The following GPHN variants were observed in gnomAD, a reference collection of about 807,000 sequenced individuals.
GPHN encodes gephyrin.
Under a neutral mutation model 95.5 loss-of-function variants are expected in GPHN, and 17 were observed. The ratio of observed to expected loss-of-function variants is 0.18; its 90% confidence interval spans 0.12 to 0.27. GPHN has a LOEUF of 0.27. GPHN is among the 10% of genes least tolerant of loss of function. GPHN has a pLI of 1.00. For missense variants in GPHN, 660 were observed against 978.1 expected (o/e 0.67, Z 4.34); for synonymous variants, 320 against 322.5 (o/e 0.99, Z 0.08).
intron 10 of GPHN, among the ~76,000 whole-genome samples, chr14:67,053,527 G>A (rs1396684788): frequency 2.0e-5 from 3 of 152,194 alleles, no homozygotes; most frequent in Admixed American, 6.5e-5. Flanking sequence ...CGAATTCTAC[G>A]AGAGGTACAA....
intron 5 of GPHN, among the ~76,000 whole-genome samples, chr14:66,891,142 T>C (rs1248988219): frequency 1.3e-5 from 2 of 151,024 alleles, no homozygotes; most frequent in African/African-American, 2.4e-5. Context: ...AGTAAACCTA[T>C]CTTTTTTTTT....
chr14:66,636,352 A>G (rs1001007990), intron 1 of GPHN, among the ~76,000 whole-genome samples: 1 of 152,098 alleles, frequency 6.6e-6, no homozygotes, highest in Admixed American at 6.5e-5. Context: ...AATACTGACA[A>G]TATAGACCAG....
chr14:67,069,476 G>T (rs530586252), intron 11 of GPHN, among the ~76,000 whole-genome samples: 1 of 152,316 alleles, frequency 6.6e-6, no homozygotes, highest in African/African-American at 2.4e-5. Context: ...GTCAGAGACG[G>T]GAACATGTGC....
the GPHN span, chr14:67,569,996 A>C: frequency 6.2e-7 from 1 of 1,600,652 alleles, no homozygotes; most frequent in East Asian, 2.2e-5. Context: ...GTGCCTGTCT[A>C]CACAGCACTG....
chr14:66,576,133 G>A (rs2060890337), intron 1 of GPHN, among the ~76,000 whole-genome samples: 1 of 152,088 alleles, frequency 6.6e-6, no homozygotes, highest in Non-Finnish European at 1.5e-5. Flanking sequence ...TTTGGAGCCT[G>A]CAGCTGTGGA....
chr14:67,207,370 T>C, the GPHN span, among the ~76,000 whole-genome samples: 1 of 151,760 alleles, frequency 6.6e-6, no homozygotes, highest in Non-Finnish European at 1.5e-5. Flanking sequence ...CCAGGCTCTT[T>C]TAAACAACCA....
chr14:67,089,482 A>G (rs1049105830), intron 12 of GPHN, among the ~76,000 whole-genome samples: 6 of 152,120 alleles, frequency 3.9e-5, no homozygotes, highest in African/African-American at 1.4e-4. Flanking sequence ...TGTGTTACTG[A>G]AATTCTTGGC....
chr14:66,730,126 A>G (rs1348642099), intron 2 of GPHN, among the ~76,000 whole-genome samples: 2 of 152,226 alleles, frequency 1.3e-5, no homozygotes, highest in Admixed American at 6.5e-5. Flanking sequence ...GCTTGCTGCA[A>G]TGCATAGGGA....
chr14:66,997,311 G>A (rs1264497119), intron 9 of GPHN, among the ~76,000 whole-genome samples: 1 of 150,112 alleles, frequency 6.7e-6, no homozygotes, highest in African/African-American at 2.5e-5. Flanking sequence ...AGGTTGCAGT[G>A]AGCCAAGATC....
chr14:67,303,741 A>C, the GPHN span: 1 of 662,388 alleles, frequency 1.5e-6, no homozygotes, highest in Middle Eastern at 4.2e-4. Context: ...TGAAATATCA[A>C]TGTTTTAAAT....
At chr14:66,800,987 C>T (rs2060328988) in intron 3 of GPHN, among the ~76,000 whole-genome samples, 1 of 152,118 alleles carries the variant, frequency 6.6e-6, no homozygotes, top group South Asian at 2.1e-4. Flanking sequence ...CTTTGATGCA[C>T]TCTTTAGTAT....
chr14:67,692,890 TA>T, the GPHN span: 1 of 1,296,160 alleles, frequency 7.7e-7, no homozygotes, highest in Non-Finnish European at 1.1e-6. Flanking sequence ...CTGTGAGGGG[TA>T]AAACAGCAGT....
intron 9 of GPHN, among the ~76,000 whole-genome samples, chr14:66,968,272 C>T (rs2069490513): frequency 6.6e-6 from 1 of 151,800 alleles, no homozygotes; most frequent in Non-Finnish European, 1.5e-5. Context: ...AGTACCAAGT[C>T]TTGAGGGTAA....
the GPHN span, among the ~76,000 whole-genome samples, chr14:67,483,007 TTTTG>T: frequency 9.2e-5 from 14 of 152,138 alleles, no homozygotes; most frequent in South Asian, 2.1e-4. Context: ...TACGTTCTTT[TTTTG>T]TTTGTTTTTT....
At chr14:66,701,192 T>G (rs2068520407) in intron 2 of GPHN, among the ~76,000 whole-genome samples, 1 of 152,230 alleles carries the variant, frequency 6.6e-6, no homozygotes, top group Admixed American at 6.5e-5. Flanking sequence ...AAGTGCAATA[T>G]GTACATATTA....
chr14:67,411,881 C>A, the GPHN span: 1 of 752,242 alleles, frequency 1.3e-6, no homozygotes, highest in South Asian at 2.0e-5. Flanking sequence ...GGGCCACAGG[C>A]GGCCCGGTCC....
the GPHN span, among the ~76,000 whole-genome samples, chr14:67,554,087 C>T: frequency 2.0e-5 from 3 of 152,168 alleles, no homozygotes; most frequent in African/African-American, 7.2e-5. Flanking sequence ...GAATGTGCCC[C>T]GAAAGCATCT....
At chr14:67,307,902 A>T in the GPHN span, among the ~76,000 whole-genome samples, 3 of 152,210 alleles carry the variant, frequency 2.0e-5, no homozygotes, top group Non-Finnish European at 4.4e-5. Context: ...GAATGCAGCC[A>T]TAAAAAAATG....
At chr14:66,578,859 G>T (rs1206939520) in intron 1 of GPHN, among the ~76,000 whole-genome samples, 1 of 151,610 alleles carries the variant, frequency 6.6e-6, no homozygotes, top group Non-Finnish European at 1.5e-5. Flanking sequence ...GATGGTAATT[G>T]GTAATATGAA....
Sources: gnomAD v4.1 joint callset for allele counts (sites outside exome capture counted in the v4.1 genomes callset) on GRCh38, gnomAD v4.1.1 for gene constraint, MANE v1.5 for transcripts, NCBI Gene and HGNC (gene_info 2026-07-23, HGNC 2026-07-21) for gene names.